The following SCHIP1 variants were observed in gnomAD, a reference collection of about 807,000 sequenced individuals.
SCHIP1 encodes the protein schwannomin interacting protein 1.
Under a neutral mutation model 29.7 loss-of-function variants are expected in SCHIP1, and 8 were observed. That is an observed-to-expected ratio of 0.27 (90% CI 0.16 to 0.49). SCHIP1 has a LOEUF of 0.49. Among genes scored for constraint, SCHIP1 ranks in the 20% least tolerant of loss-of-function variants. SCHIP1 has a pLI of 0.99. For synonymous variants in SCHIP1, 76 were observed against 94.9 expected (o/e 0.80, Z 1.16); for missense variants, 193 against 294.6 (o/e 0.66, Z 2.52).
At chr3:159,681,617 C>T in the SCHIP1 span, among the ~76,000 whole-genome samples, 1 of 152,156 alleles carries the variant, frequency 6.6e-6, no homozygotes, top group Non-Finnish European at 1.5e-5. Context: ...TATTTTTGTG[C>T]CTGAATAATA....
the SCHIP1 span, among the ~76,000 whole-genome samples, chr3:159,377,387 T>G: frequency 6.6e-6 from 1 of 152,220 alleles, no homozygotes; most frequent in African/African-American, 2.4e-5. Flanking sequence ...ATAGGTTTAC[T>G]CCAGTGGAGG....
the SCHIP1 span, among the ~76,000 whole-genome samples, chr3:159,536,557 C>T: frequency 1.3e-5 from 2 of 152,146 alleles, no homozygotes; most frequent in African/African-American, 4.8e-5. Context: ...ATGTGAGGAA[C>T]CCCAGCTCTG....
chr3:159,487,214 A>G, the SCHIP1 span, among the ~76,000 whole-genome samples: 2 of 152,122 alleles, frequency 1.3e-5, no homozygotes, highest in South Asian at 2.1e-4. Flanking sequence ...GTTCATATCT[A>G]TGGTGGTTGC....
the SCHIP1 span, among the ~76,000 whole-genome samples, chr3:159,347,585 A>T: frequency 1.4e-4 from 22 of 152,300 alleles, no homozygotes; most frequent in East Asian, 4.2e-3. Context: ...ACTGGATTTG[A>T]ACATTCTATG....
At chr3:159,611,935 C>G in the SCHIP1 span, among the ~76,000 whole-genome samples, 1 of 152,032 alleles carries the variant, frequency 6.6e-6, no homozygotes, top group Non-Finnish European at 1.5e-5. Flanking sequence ...CTCCCTCTCT[C>G]TTATAAAATT....
chr3:159,672,349 G>T, the SCHIP1 span, among the ~76,000 whole-genome samples: 2 of 152,188 alleles, frequency 1.3e-5, no homozygotes, highest in Admixed American at 6.5e-5. Context: ...TAACTACTGT[G>T]ACAACTAAAG....
At chr3:159,491,614 G>A in the SCHIP1 span, among the ~76,000 whole-genome samples, 3 of 152,324 alleles carry the variant, frequency 2.0e-5, no homozygotes, top group South Asian at 2.1e-4. Context: ...CTGGAAATTC[G>A]AACTGGGTGG....
chr3:159,519,280 AT>A, the SCHIP1 span, among the ~76,000 whole-genome samples: 566 of 152,314 alleles, frequency 3.7e-3, 8 homozygotes, highest in African/African-American at 0.013. Flanking sequence ...TAAGGAGAAG[AT>A]TTGTGGTCAG....
chr3:159,712,405 A>G, the SCHIP1 span, among the ~76,000 whole-genome samples: 3 of 152,240 alleles, frequency 2.0e-5, no homozygotes, highest in East Asian at 1.9e-4. Context: ...GGGCAGGCCA[A>G]TAAAGTTGAT....
At chr3:159,778,130 C>T in the SCHIP1 span, among the ~76,000 whole-genome samples, 2 of 151,984 alleles carry the variant, frequency 1.3e-5, no homozygotes, top group Admixed American at 6.5e-5. Flanking sequence ...TACAGGCGCC[C>T]GCCAGCGCGC....
chr3:159,335,954 C>T, the SCHIP1 span, among the ~76,000 whole-genome samples: 1 of 152,162 alleles, frequency 6.6e-6, no homozygotes, highest in East Asian at 1.9e-4. Context: ...GTTTACAGTC[C>T]CACCAACACT....
At chr3:159,896,048 C>T (rs2109553727) in intron 6 of SCHIP1, among the ~76,000 whole-genome samples, 1 of 152,290 alleles carries the variant, frequency 6.6e-6, no homozygotes, top group Non-Finnish European at 1.5e-5. Context: ...CTGCCAAGAC[C>T]ATGCCCTTAG....
At chr3:159,288,312 C>G in the SCHIP1 span, among the ~76,000 whole-genome samples, 2 of 152,244 alleles carry the variant, frequency 1.3e-5, no homozygotes, top group Admixed American at 1.3e-4. Context: ...AAAACGATGC[C>G]TAGCTAGTAT....
At chr3:159,449,299 G>T in the SCHIP1 span, among the ~76,000 whole-genome samples, 2 of 152,030 alleles carry the variant, frequency 1.3e-5, no homozygotes, top group East Asian at 1.9e-4. Flanking sequence ...AAAGCCATTT[G>T]CAAGGCAGCA....
chr3:159,368,358 C>T, the SCHIP1 span, among the ~76,000 whole-genome samples: 30,561 of 152,080 alleles, frequency 0.2, 4,326 homozygotes, highest in African/African-American at 0.39. Context: ...TCCACCTCCA[C>T]CACATTTATT....
At chr3:159,507,892 C>T in the SCHIP1 span, among the ~76,000 whole-genome samples, 3 of 152,278 alleles carry the variant, frequency 2.0e-5, no homozygotes, top group South Asian at 6.2e-4. Flanking sequence ...AGGATTTTTG[C>T]ATCGATATTC....
chr3:159,697,096 C>G, the SCHIP1 span, among the ~76,000 whole-genome samples: 1 of 152,098 alleles, frequency 6.6e-6, no homozygotes, highest in Non-Finnish European at 1.5e-5. Context: ...ATTAGAGATG[C>G]AGGGAGGCTA....
chr3:159,355,693 C>T, the SCHIP1 span, among the ~76,000 whole-genome samples: 21 of 151,932 alleles, frequency 1.4e-4, no homozygotes, highest in African/African-American at 5.1e-4. Flanking sequence ...CTTCACCCCA[C>T]CCCATCAAAA....
the SCHIP1 span, among the ~76,000 whole-genome samples, chr3:159,801,253 T>C: frequency 1.3e-5 from 2 of 152,354 alleles, no homozygotes; most frequent in East Asian, 3.9e-4. Flanking sequence ...ACAGTTACTG[T>C]AAGTAAGATA....
Sources: gnomAD v4.1 joint callset for allele counts (sites outside exome capture counted in the v4.1 genomes callset) on GRCh38, gnomAD v4.1.1 for gene constraint, MANE v1.5 for transcripts, NCBI Gene and HGNC (gene_info 2026-07-23, HGNC 2026-07-21) for gene names.